Variants in SHANK2 observed in about 807,000 individuals in gnomAD.
SHANK2 encodes the protein SH3 and multiple ankyrin repeat domains 2.
SHANK2 carries 43 observed loss-of-function variants against 133.7 expected under a neutral mutation model. The ratio of observed to expected loss-of-function variants is 0.32; its 90% CI spans 0.25 to 0.41. The LOEUF is 0.41. SHANK2 is among the 10% of genes least tolerant of loss of function. The pLI, the probability that SHANK2 is intolerant of heterozygous loss-of-function variation, is 1.00. For missense variants in SHANK2, 1,994 were observed against 2,235.8 expected (o/e 0.89, Z 2.18); for synonymous variants, 1,017 against 952.8 (o/e 1.07, Z -1.24).
At chr11:70,582,258 G>T (rs1262443620) in intron 17 of SHANK2, among the ~76,000 whole-genome samples, 1 of 152,228 alleles carries the variant, frequency 6.6e-6, no homozygotes, top group African/African-American at 2.4e-5. Context: ...CAGCTGAAAG[G>T]ACCACCTAAC....
In SHANK2 at chr11:71,192,626, C is replaced by T. The variant is rs567211446; in HGVS notation, c.-13+32071G>A. Among the ~76,000 whole-genome samples the T allele has an allele frequency of 5.3e-5, 8 of 152,224 alleles. No homozygotes were observed. The South Asian group carries it at 1.5e-3, about 28-fold the overall frequency. On this transcript the variant is annotated intron_variant, in intron 2 of 25. Coordinates refer to ENST00000601538, the MANE Select transcript of SHANK2 (RefSeq NM_012309.5). ...GGTCCAGGTGAAAGGAACAACGTGC[C>T]CCACCCTGGGTGGAAAAGCCTCGCC...
chr11:71,194,763 C>T (rs1394575474), intron 2 of SHANK2, among the ~76,000 whole-genome samples: 1 of 152,222 alleles, frequency 6.6e-6, no homozygotes, highest in Non-Finnish European at 1.5e-5. Context: ...ATAATTCAGG[C>T]TTCCATAACT....
At chr11:70,725,135 A>C (rs1327785935) in intron 14 of SHANK2, among the ~76,000 whole-genome samples, 1 of 152,200 alleles carries the variant, frequency 6.6e-6, no homozygotes, top group Non-Finnish European at 1.5e-5. Context: ...CCATTATAAG[A>C]CTATCTTTAG....
intron 17 of SHANK2, among the ~76,000 whole-genome samples, chr11:70,592,227 G>C (rs1453656804): frequency 2.6e-5 from 4 of 152,042 alleles, no homozygotes; most frequent in African/African-American, 9.7e-5. Context: ...CCCTCTGCAC[G>C]CAGGGGACAG....
chr11:70,937,925 GTGTGTGGATGCC>G (rs1323716647), intron 10 of SHANK2, among the ~76,000 whole-genome samples: 1 of 152,260 alleles, frequency 6.6e-6, no homozygotes, highest in African/African-American at 2.4e-5. Context: ...ATTTGCATGT[GTGTGTGGATGCC>G]TGTGTGCATG....
In SHANK2 at chr11:71,103,702, G is replaced by A. The variant is rs546186571; in HGVS notation, c.592+6239C>T. Reference sequence around the variant, plus strand: ...GGGTTGGAGGTGGGGCCTGGTGGGAGGTGACTGGATCATGGGGGCAGATTT... The same window carrying A: ...GGGTTGGAGGTGGGGCCTGGTGGGAAGTGACTGGATCATGGGGGCAGATTT... On this transcript the variant is annotated intron_variant, in intron 6 of 25. Transcript: ENST00000601538. 1.4e-4 allele frequency among the ~76,000 whole-genome samples: 21 copies of A among 152,234 alleles called. 1 individual carries two copies. Among genetic ancestry groups the A allele is most frequent in the Admixed American group, 1.2e-3 (19 of 15,282 alleles).
intron 11 of SHANK2, among the ~76,000 whole-genome samples, chr11:70,846,101 A>G (rs1948993038): frequency 6.6e-6 from 1 of 152,134 alleles, no homozygotes; most frequent in Non-Finnish European, 1.5e-5. Flanking sequence ...GAGAGTCTAG[A>G]GTGCGCTTCC....
Position 70,487,106 on chromosome 11 carries a change from G to T in SHANK2, c.3187C>A (p.Pro1063Thr). 6.2e-7 allele frequency: 1 copy of T among 1,611,286 alleles called. No individual in the cohort carries two copies. The highest frequency in any genetic ancestry group is 8.5e-7 in the Non-Finnish European group (1 of 1,179,992). The stretch of plus-strand genomic sequence containing the variant: ...CTTTCGTCAGGCCGCAGCTGGCTCG[G>T]TGGCTCCGGGGCCTGGGGGTCGATC... Reference protein sequence around the residue: ...MEIDPQAPEPPSQLRPDESLT... With the variant: ...MEIDPQAPEPTSQLRPDESLT... Residue 1063 changes from proline (P) to threonine (T), a missense_variant, in exon 25 of 26, where the codon CCG becomes ACG. Around this residue, in one of 5 missense-constraint regions of SHANK2, gnomAD observed 488 missense variants for 642.6 expected, o/e 0.76. Transcript: ENST00000601538. The surrounding 1 kb of genome is among the most constrained non-coding windows in gnomAD (Gnocchi z 5.8).
chr11:71,082,116 C>T (rs1235825319), intron 8 of SHANK2, among the ~76,000 whole-genome samples: 3 of 152,224 alleles, frequency 2.0e-5, no homozygotes, highest in Non-Finnish European at 2.9e-5. Flanking sequence ...CTGAGGGTCA[C>T]CTGCCAGCAC....
chr11:71,241,166 G>T (rs1565532922), intron 1 of SHANK2, among the ~76,000 whole-genome samples: 1 of 152,186 alleles, frequency 6.6e-6, no homozygotes, highest in Non-Finnish European at 1.5e-5. Flanking sequence ...GGTACCCGGG[G>T]AAGCCCCGCC....
rs538028124 is a variant in SHANK2 at position 70,888,931 on chromosome 11, G to A, written c.1174+7570C>T. Among the ~76,000 whole-genome samples the A allele has an allele frequency of 2.6e-5, 4 of 152,344 alleles. No individual in the cohort carries two copies. The South Asian group carries it at 6.2e-4, about 24-fold the overall frequency. ...CATGCATTGCCTGAGGCCCCACCACGTGCCTAGCACAGTGGGGACGGTAGA... is the reference window on the plus strand; with the variant it reads ...CATGCATTGCCTGAGGCCCCACCACATGCCTAGCACAGTGGGGACGGTAGA... On this transcript the variant is annotated intron_variant, in intron 11 of 25. Transcript: ENST00000601538.
At chr11:70,667,213 C>T (rs1944694531) in intron 15 of SHANK2, among the ~76,000 whole-genome samples, 1 of 152,152 alleles carries the variant, frequency 6.6e-6, no homozygotes, top group African/African-American at 2.4e-5. Flanking sequence ...ATGGAGAATG[C>T]AAGAGGTATC....
At chr11:71,149,462 C>T (rs1401730310) in intron 2 of SHANK2, among the ~76,000 whole-genome samples, 2 of 152,196 alleles carry the variant, frequency 1.3e-5, no homozygotes, top group African/African-American at 4.8e-5. Flanking sequence ...TACAAATGTA[C>T]TGTTCCTGCT....
intron 14 of SHANK2, among the ~76,000 whole-genome samples, chr11:70,735,080 G>GT (rs1946374175): frequency 6.6e-6 from 1 of 152,334 alleles, no homozygotes; most frequent in East Asian, 1.9e-4. Flanking sequence ...CGGGGTCAGT[G>GT]TGGGAAGGTG....
At chr11:71,128,868 T>C (rs1952239113) in intron 3 of SHANK2, among the ~76,000 whole-genome samples, 1 of 152,124 alleles carries the variant, frequency 6.6e-6, no homozygotes, top group Admixed American at 6.5e-5. Flanking sequence ...CACTGCAACC[T>C]CCACCTCCTG....
chr11:71,133,311 T>C (rs1555104052), intron 3 of SHANK2, among the ~76,000 whole-genome samples: 1 of 136,068 alleles, frequency 7.3e-6, no homozygotes, highest in African/African-American at 3.2e-5. Context: ...GCTGGCTGGC[T>C]GGCTGGCTGG....
intron 17 of SHANK2, among the ~76,000 whole-genome samples, chr11:70,638,604 T>C (rs1218338137): frequency 1.3e-5 from 2 of 152,214 alleles, no homozygotes; most frequent in Non-Finnish European, 2.9e-5. Context: ...AGCCCTATTT[T>C]CTTTAGTCTG....
chr11:70,612,226 A>C (rs1554994455), intron 17 of SHANK2, among the ~76,000 whole-genome samples: 2 of 152,124 alleles, frequency 1.3e-5, no homozygotes, highest in African/African-American at 2.4e-5. Flanking sequence ...CCTGCTGCTG[A>C]GTATGGGAAC....
At chr11:71,093,337 G>C (rs1156333960) in intron 7 of SHANK2, among the ~76,000 whole-genome samples, 1 of 152,126 alleles carries the variant, frequency 6.6e-6, no homozygotes, top group African/African-American at 2.4e-5. Context: ...AGCAAGCATC[G>C]CGTCTTCAAG....
Sources: gnomAD v4.1 joint callset for allele counts (sites outside exome capture counted in the v4.1 genomes callset) on GRCh38, gnomAD v4.1.1 for gene constraint, gnomAD v4.1.1 regional missense constraint, Gnocchi (gnomAD v3.1) non-coding constraint, MANE v1.5 for transcripts, NCBI Gene and HGNC (gene_info 2026-07-23, HGNC 2026-07-21) for gene names.